CNTN1: variants seen among roughly 807,000 people sequenced by gnomAD.
CNTN1 encodes the protein contactin 1, also known as contactin-1.
In CNTN1, 38 loss-of-function variants were observed where a neutral mutation model predicts 126.4. The ratio of observed to expected loss-of-function variants is 0.30; its 90% CI spans 0.23 to 0.39. The LOEUF (loss-of-function observed/expected upper bound fraction) is 0.39, where lower values mean the gene tolerates loss of function less well. CNTN1 is among the 10% of genes least tolerant of loss of function. The pLI is 1.00. For missense variants in CNTN1, 1,009 were observed against 1,248.4 expected (o/e 0.81, Z 2.89); for synonymous variants, 413 against 422.6 (o/e 0.98, Z 0.28).
At chr12:40,964,035 C>T (rs548494168) in intron 15 of CNTN1, among the ~76,000 whole-genome samples, 1 of 152,142 alleles carries the variant, frequency 6.6e-6, no homozygotes, top group Admixed American at 6.6e-5. Context: ...AGAAATTAGG[C>T]TTTAACTTGT....
chr12:40,701,252 T>G (rs1418174685), intron 1 of CNTN1, among the ~76,000 whole-genome samples: 4 of 152,220 alleles, frequency 2.6e-5, no homozygotes, highest in Non-Finnish European at 5.9e-5. Context: ...CTACAGTAAT[T>G]TACATGGTGC....
At chr12:40,982,958 G>C (rs1174888862) in intron 16 of CNTN1, among the ~76,000 whole-genome samples, 3 of 140,182 alleles carry the variant, frequency 2.1e-5, no homozygotes, top group African/African-American at 5.2e-5. Flanking sequence ...GGGGGGAGGG[G>C]GGAGGATAGC....
chr12:40,737,789 T>G (rs996481032), intron 1 of CNTN1, among the ~76,000 whole-genome samples: 13 of 151,980 alleles, frequency 8.6e-5, no homozygotes, highest in Non-Finnish European at 1.9e-4. Flanking sequence ...AGCATTACAT[T>G]ACTACCAAAA....
intron 17 of CNTN1, among the ~76,000 whole-genome samples, chr12:41,000,981 G>A (rs1457246281): frequency 6.6e-6 from 1 of 152,122 alleles, no homozygotes. Flanking sequence ...TTTTATGGCT[G>A]CATAGTATTC....
intron 1 of CNTN1, among the ~76,000 whole-genome samples, chr12:40,810,438 T>C (rs1941018026): frequency 6.6e-6 from 1 of 152,162 alleles, no homozygotes. Flanking sequence ...GTGTATAATA[T>C]GGCATTATTA....
chr12:40,793,990 T>C (rs1940317136), intron 1 of CNTN1, among the ~76,000 whole-genome samples: 1 of 152,088 alleles, frequency 6.6e-6, no homozygotes, highest in Non-Finnish European at 1.5e-5. Flanking sequence ...TGCATAAATT[T>C]AGGTCATTTC....
At chr12:40,859,617 G>A (rs1465117980) in intron 1 of CNTN1, among the ~76,000 whole-genome samples, 1 of 152,054 alleles carries the variant, frequency 6.6e-6, no homozygotes, top group Non-Finnish European at 1.5e-5. Context: ...AATACAGAGA[G>A]TAATATCCCA....
At chr12:40,914,825 G>T (rs1945172066) in intron 3 of CNTN1, among the ~76,000 whole-genome samples, 1 of 151,988 alleles carries the variant, frequency 6.6e-6, no homozygotes, top group Non-Finnish European at 1.5e-5. Context: ...GTAGCATAAG[G>T]CACCAATGTT....
chr12:40,972,476 G>A, intron 15 of CNTN1: 1 of 976,676 alleles, frequency 1.0e-6, no homozygotes, highest in Non-Finnish European at 1.2e-6. Context: ...ACTTCATCTA[G>A]CAATTCTCTC....
chr12:40,722,440 T>C (rs1196987958), intron 1 of CNTN1, among the ~76,000 whole-genome samples: 1 of 152,186 alleles, frequency 6.6e-6, no homozygotes, highest in Non-Finnish European at 1.5e-5. Flanking sequence ...AAAACATATC[T>C]GGCCCTATGA....
Position 41,007,705 on chromosome 12 carries a change from GT to G in CNTN1, c.2114-6521del, listed in dbSNP as rs144563427. Among the ~76,000 whole-genome samples the G allele has an allele frequency of 9.2e-3, 1,407 of 152,304 alleles. 12 individuals carry two copies. Among genetic ancestry groups the G allele is most frequent in the Non-Finnish European group, 0.016 (1,087 of 68,014 alleles). The stretch of plus-strand genomic sequence containing the variant: ...GTTCACACAATGCATGCGGAAGGTG[GT>G]TGTCCCACTCTAATGTTAGCATGCA... On this transcript the variant is annotated intron_variant, in intron 17 of 23. Coordinates refer to ENST00000551295, the MANE Select transcript of CNTN1 (RefSeq NM_001843.4).
At chr12:40,765,815 T>C (rs556003583) in intron 1 of CNTN1, among the ~76,000 whole-genome samples, 1 of 152,376 alleles carries the variant, frequency 6.6e-6, no homozygotes, top group East Asian at 1.9e-4. Flanking sequence ...AATCTCCTGC[T>C]GTATACAGGT....
intron 1 of CNTN1, among the ~76,000 whole-genome samples, chr12:40,739,066 C>T (rs1240057929): frequency 6.6e-6 from 1 of 151,996 alleles, no homozygotes; most frequent in Non-Finnish European, 1.5e-5. Context: ...ATCAGAAATA[C>T]CAGAGACATT....
chr12:40,772,505 G>T (rs536119206), intron 1 of CNTN1, among the ~76,000 whole-genome samples: 9 of 151,892 alleles, frequency 5.9e-5, no homozygotes, highest in Admixed American at 5.9e-4. Context: ...TTGCCACAGC[G>T]TTATAAGTTT....
chr12:41,035,366 A>G (rs1949234432), intron 23 of CNTN1, among the ~76,000 whole-genome samples: 1 of 152,238 alleles, frequency 6.6e-6, no homozygotes, highest in South Asian at 2.1e-4. Context: ...ACGATAAAAT[A>G]AAACTTACTC....
chr12:41,020,874 G>T (rs542970308), intron 20 of CNTN1, among the ~76,000 whole-genome samples: 1 of 152,016 alleles, frequency 6.6e-6, no homozygotes, highest in Admixed American at 6.6e-5. Flanking sequence ...TAAATATACC[G>T]AATATGTCTT....
intron 1 of CNTN1, among the ~76,000 whole-genome samples, chr12:40,799,688 A>G (rs1031970631): frequency 6.6e-6 from 1 of 152,020 alleles, no homozygotes; most frequent in African/African-American, 2.4e-5. Context: ...TGTGTACAAT[A>G]CAGAAGCATA....
chr12:40,831,903 G>A (rs1342235512), intron 1 of CNTN1, among the ~76,000 whole-genome samples: 7 of 152,114 alleles, frequency 4.6e-5, no homozygotes, highest in Admixed American at 2.0e-4. Context: ...TTGGTAAAAC[G>A]TTCTACTGTC....
intron 3 of CNTN1, among the ~76,000 whole-genome samples, chr12:40,914,820 A>G (rs967763006): frequency 7.2e-5 from 11 of 152,162 alleles, no homozygotes; most frequent in African/African-American, 2.7e-4. Context: ...AAAAAGTAGC[A>G]TAAGGCACCA....
Sources: gnomAD v4.1 joint callset for allele counts (sites outside exome capture counted in the v4.1 genomes callset) on GRCh38, gnomAD v4.1.1 for gene constraint, MANE v1.5 for transcripts, NCBI Gene and HGNC (gene_info 2026-07-23, HGNC 2026-07-21) for gene names.